Variants in BMP7 observed in about 807,000 individuals in gnomAD.
BMP7 encodes the protein bone morphogenetic protein 7.
BMP7 carries 12 observed loss-of-function variants against 41.2 expected under a neutral mutation model. The observed-to-expected ratio is 0.29, with a 90% CI of 0.19 to 0.47. The LOEUF (loss-of-function observed/expected upper bound fraction) is 0.47, where lower values mean the gene tolerates loss of function less well. Among genes scored for constraint, BMP7 ranks in the 20% least tolerant of loss-of-function variants. The pLI is 0.99. For synonymous variants in BMP7, 248 were observed against 250.0 expected (o/e 0.99, Z 0.07); for missense variants, 467 against 606.0 (o/e 0.77, Z 2.41).
At chr20:57,172,917 A>T in intron 6 of BMP7, 1 of 601,124 alleles carries the variant, frequency 1.7e-6, no homozygotes, top group Non-Finnish European at 3.0e-6. Context: ...CAGCACCCAC[A>T]ATACTACAAG....
At chr20:57,209,249 T>TTTTATATATATATA (rs1407204884) in intron 2 of BMP7, among the ~76,000 whole-genome samples, 3 of 94,876 alleles carry the variant, frequency 3.2e-5, no homozygotes, top group African/African-American at 1.0e-4. Context: ...TTATATATTT[T>TTTTATATATATATA]TATATATATA....
intron 5 of BMP7, 40 bp from the exon 6 acceptor site, chr20:57,173,350 C>T: frequency 6.3e-7 from 1 of 1,587,006 alleles, no homozygotes; most frequent in Non-Finnish European, 8.6e-7. Context: ...ATGCAGAAGG[C>T]CTGAGCCACA....
At chr20:57,198,369 GC>G (rs932629079) in intron 3 of BMP7, among the ~76,000 whole-genome samples, 1 of 151,916 alleles carries the variant, frequency 6.6e-6, no homozygotes, top group Non-Finnish European at 1.5e-5. Flanking sequence ...CAGCCTGGGG[GC>G]TGGAACAAGT....
chr20:57,170,011 C>G lies in BMP7; in HGVS notation c.*948G>C, dbSNP rs1983779314. 1.3e-5 allele frequency: 2 copies of G among 152,218 alleles called. No individual in the cohort carries two copies. The highest frequency in any genetic ancestry group is 4.1e-4 in the South Asian group (2 of 4,828). 9.4% of individuals were successfully genotyped at this position (152,218 alleles called of 1,614,324 possible). On this transcript the variant is annotated 3_prime_UTR_variant, in exon 7 of 7. Coordinates refer to ENST00000395863, the MANE Select transcript of BMP7 (RefSeq NM_001719.3). ...ACCTCAAATGATCCGCCCACCTCAGCCTCCCAAAGTGCTGGGATTACAGGT... is the reference window on the plus strand; with the variant it reads ...ACCTCAAATGATCCGCCCACCTCAGGCTCCCAAAGTGCTGGGATTACAGGT...
intron 1 of BMP7, among the ~76,000 whole-genome samples, chr20:57,252,816 T>C (rs903010871): frequency 9.2e-5 from 14 of 152,176 alleles, no homozygotes; most frequent in African/African-American, 2.7e-4. Context: ...TTCCCAAGGT[T>C]GAGGCAAGTT....
Position 57,265,866 on chromosome 20 carries a change from A to T in BMP7, c.257T>A (p.Leu86Gln), listed in dbSNP as rs775529228. The T allele has an allele frequency of 6.2e-6, 10 of 1,605,828 alleles. No individual in the cohort carries two copies. Among genetic ancestry groups the T allele is most frequent in the Non-Finnish European group, 8.5e-6 (10 of 1,176,546 alleles). ...CTCCTCCACCGCCATGGCGTTGTAC[A>T]GGTCCAGCATGAACATGGGTGCCGA... is the stretch of plus-strand genomic sequence containing the variant. ...HNSAPMFMLD[L>Q]YNAMAVEEGG... Residue 86 changes from leucine (L) to glutamine (Q), a missense_variant, in exon 1 of 7, where the codon CTG (leucine) becomes CAG (glutamine). Around this residue, in one of 2 missense-constraint regions of BMP7, gnomAD observed 407 missense variants for 485.9 expected, o/e 0.84. Coordinates refer to ENST00000395863, the MANE Select transcript of BMP7 (RefSeq NM_001719.3).
rs773122880 is a variant in BMP7 at position 57,170,711 on chromosome 20, C to T, written c.*248G>A. ...CCTGGCCCGGCCATTTTTCTTTATG[C>T]GTTGTTTTTTTTTCCTGCTAGGTTT... On this transcript the variant is annotated 3_prime_UTR_variant, in exon 7 of 7. Coordinates refer to ENST00000395863, the MANE Select transcript of BMP7 (RefSeq NM_001719.3). 6.6e-5 allele frequency: 32 copies of T among 485,086 alleles called. No individual in the cohort carries two copies. Among genetic ancestry groups the T allele is most frequent in the Admixed American group, 2.0e-4 (6 of 30,178 alleles). The allele number at this position is 485,086 out of a possible 1,614,324, so 30.0% of individuals were successfully genotyped here.
At position 57,233,521 on chromosome 20, in the gene BMP7, T is replaced by C. The variant is rs11700114; in HGVS notation, c.419-5100A>G. ...TGTCAATAATGGGTTAGAGGCCAGG[T>C]AGGAACAAGAAGCTGCCCACCTGGG... On this transcript the variant is annotated intron_variant, in intron 1 of 6. Transcript: ENST00000395863. Among the ~76,000 whole-genome samples the C allele has an allele frequency of 7.0e-3, 1,061 of 152,248 alleles. 9 individuals are homozygous for C. The highest frequency in any genetic ancestry group is 0.011 in the Non-Finnish European group (724 of 68,012).
At chr20:57,262,948 A>G (rs1600649334) in intron 1 of BMP7, among the ~76,000 whole-genome samples, 1 of 152,114 alleles carries the variant, frequency 6.6e-6, no homozygotes, top group African/African-American at 2.4e-5. Context: ...ACCCTCTCCA[A>G]CCCTACTGCC....
At chr20:57,216,334 T>C (rs932359283) in intron 2 of BMP7, among the ~76,000 whole-genome samples, 11 of 152,054 alleles carry the variant, frequency 7.2e-5, no homozygotes, top group Admixed American at 5.2e-4. Flanking sequence ...TGAATGCAAG[T>C]AGTTTGTCTG....
intron 3 of BMP7, among the ~76,000 whole-genome samples, chr20:57,186,845 C>T (rs775475740): frequency 5.9e-5 from 9 of 152,204 alleles, no homozygotes; most frequent in Admixed American, 1.3e-4. Flanking sequence ...CCCCACCCGC[C>T]GCTATTTTAC....
rs1203582968 is a variant in BMP7, at chr20:57,265,992, C to G, written c.131G>C (p.Arg44Pro). 7 of 1,550,442 alleles carry G rather than the reference C, an allele frequency of 4.5e-6. No homozygotes were observed. Among genetic ancestry groups the G allele is most frequent in the Middle Eastern group, 1.7e-4 (1 of 5,990 alleles). ...CCGCCGCTCCTGGCTGCGGAGGCGCCGGTGGATGAAGCTCGAGTGCACCTC... is the reference window on the plus strand; with the variant it reads ...CCGCCGCTCCTGGCTGCGGAGGCGCGGGTGGATGAAGCTCGAGTGCACCTC... ...DNEVHSSFIH[R>P]RLRSQERREM... The change falls in exon 1 of 7, where the codon CGG (arginine) becomes CCG (proline). Residue 44 changes from arginine (R) to proline (P), a missense_variant. Around this residue, in one of 2 missense-constraint regions of BMP7, gnomAD observed 407 missense variants for 485.9 expected, o/e 0.84. Coordinates refer to ENST00000395863, the MANE Select transcript of BMP7 (RefSeq NM_001719.3).
At chr20:57,216,735 G>C (rs1208083558) in intron 2 of BMP7, among the ~76,000 whole-genome samples, 2 of 152,172 alleles carry the variant, frequency 1.3e-5, no homozygotes, top group Non-Finnish European at 2.9e-5. Flanking sequence ...GTGTGGGGAG[G>C]GGAAGCCTCG....
rs147963065 is a variant in BMP7 at position 57,183,762 on chromosome 20, C to T, written c.918G>A (p.Thr306=). Residue 306 remains threonine, a synonymous_variant, in exon 4 of 7, where the codon ACG becomes ACA. Transcript: ENST00000395863. ...TCCGCAGGGCTTCCTGGTTCTTGGGCGTCTTGGAGCGGTTCTGGCTGCGCT... is the reference window on the plus strand; with the variant it reads ...TCCGCAGGGCTTCCTGGTTCTTGGGTGTCTTGGAGCGGTTCTGGCTGCGCT... ...SKQRSQNRSK[T]PKNQEALRMA... 74 of 1,614,032 alleles carry T rather than the reference C, an allele frequency of 4.6e-5. No individual in the cohort carries two copies. The African/African-American group carries it at 4.7e-4, about 10-fold the overall frequency.
At chr20:57,248,561 G>A in intron 1 of BMP7, among the ~76,000 whole-genome samples, 1 of 152,182 alleles carries the variant, frequency 6.6e-6, no homozygotes, top group East Asian at 1.9e-4. Flanking sequence ...TGGGGCGGCA[G>A]CAGCCATTTT....
chr20:57,248,812 T>A (rs1420283763), intron 1 of BMP7, among the ~76,000 whole-genome samples: 1 of 148,924 alleles, frequency 6.7e-6, no homozygotes, highest in Non-Finnish European at 1.5e-5. Flanking sequence ...TGTTTTGTTT[T>A]TTTTGAGACA....
At chr20:57,226,170 G>T (rs544946771) in intron 2 of BMP7, among the ~76,000 whole-genome samples, 1 of 152,368 alleles carries the variant, frequency 6.6e-6, no homozygotes, top group Non-Finnish European at 1.5e-5. Context: ...TCTCAGGCAA[G>T]ACAGCAGAGG....
At chr20:57,196,174 G>C (rs1380422358) in intron 3 of BMP7, among the ~76,000 whole-genome samples, 1 of 152,176 alleles carries the variant, frequency 6.6e-6, no homozygotes, top group African/African-American at 2.4e-5. Flanking sequence ...ATGACCTGGT[G>C]CTTCCATGTC....
At chr20:57,257,644 A>G (rs2066138672) in intron 1 of BMP7, among the ~76,000 whole-genome samples, 1 of 152,184 alleles carries the variant, frequency 6.6e-6, no homozygotes, top group Admixed American at 6.5e-5. Flanking sequence ...ATTGGAGATC[A>G]AAAGCATTTA....
Sources: allele counts gnomAD v4.1 joint callset (sites outside exome capture counted in the v4.1 genomes callset), GRCh38; gene constraint gnomAD v4.1.1; regional missense constraint gnomAD v4.1.1; transcripts MANE v1.5; gene names NCBI Gene and HGNC (gene_info 2026-07-23, HGNC 2026-07-21).